Variants in TRAPPC9 observed in about 807,000 individuals in gnomAD.
The protein encoded by TRAPPC9 is IKK2 binding protein.
TRAPPC9 carries 83 observed loss-of-function variants against 124.0 expected under a neutral mutation model. That is an observed-to-expected ratio of 0.67 (90% confidence interval 0.56 to 0.80). The LOEUF is 0.80. Ranked by LOEUF, TRAPPC9 falls within the 30% of genes least tolerant of loss-of-function variation. The pLI, the probability that TRAPPC9 is intolerant of heterozygous loss-of-function variation, is 0.00. For missense variants in TRAPPC9, 1,302 were observed against 1,508.3 expected, an observed-to-expected ratio of 0.86 and a Z score of 2.27; for synonymous variants, 638 against 617.5, an observed-to-expected ratio of 1.03 and a Z score of -0.49.
intron 7 of TRAPPC9, among the ~76,000 whole-genome samples, chr8:140,381,680 A>AAC (rs1410339836): frequency 2.0e-5 from 3 of 151,026 alleles, no homozygotes; most frequent in Non-Finnish European, 3.0e-5. Context: ...AAAAAAAAAA[A>AAC]AAAAAAAAAA....
chr8:140,134,107 A>C (rs2061253085), intron 17 of TRAPPC9, among the ~76,000 whole-genome samples: 1 of 152,238 alleles, frequency 6.6e-6, no homozygotes, highest in Non-Finnish European at 1.5e-5. Context: ...GAAAAAAAGA[A>C]CAAAGTTAGA....
At chr8:140,229,160 A>T (rs1250025288) in intron 16 of TRAPPC9, among the ~76,000 whole-genome samples, 1 of 152,108 alleles carries the variant, frequency 6.6e-6, no homozygotes, top group African/African-American at 2.4e-5. Flanking sequence ...GGAAGGTCAA[A>T]GATGTAGAAA....
At chr8:139,765,858 G>A (rs1820553153) in intron 21 of TRAPPC9, among the ~76,000 whole-genome samples, 1 of 152,186 alleles carries the variant, frequency 6.6e-6, no homozygotes, top group Non-Finnish European at 1.5e-5. Context: ...CCTGGCACAG[G>A]GCACACTTCA....
At chr8:139,992,986 G>GA (rs1837737454) in intron 18 of TRAPPC9, among the ~76,000 whole-genome samples, 1 of 151,780 alleles carries the variant, frequency 6.6e-6, no homozygotes, top group Non-Finnish European at 1.5e-5. Context: ...CATGACCTTG[G>GA]AAAAAAGAAA....
intron 17 of TRAPPC9, among the ~76,000 whole-genome samples, chr8:140,055,573 G>A (rs545926830): frequency 6.6e-6 from 1 of 152,196 alleles, no homozygotes; most frequent in Non-Finnish European, 1.5e-5. Context: ...CAGAAGAGAT[G>A]TAAAATTATT....
chr8:139,731,304 T>C (rs1459689038), intron 22 of TRAPPC9, 76 bp from the exon 23 acceptor site: 7 of 1,556,844 alleles, frequency 4.5e-6, no homozygotes, highest in Non-Finnish European at 6.1e-6. Context: ...ATCCTGGGAA[T>C]CTGCCTGGAC....
At chr8:140,279,942 A>C (rs2065254482) in intron 14 of TRAPPC9, among the ~76,000 whole-genome samples, 1 of 152,166 alleles carries the variant, frequency 6.6e-6, no homozygotes, top group African/African-American at 2.4e-5. Context: ...TCTTCGCCTT[A>C]AGCCACCCCC....
intron 18 of TRAPPC9, among the ~76,000 whole-genome samples, chr8:140,008,046 C>T (rs1394882776): frequency 6.6e-6 from 1 of 152,100 alleles, no homozygotes; most frequent in Non-Finnish European, 1.5e-5. Flanking sequence ...CTGCTCCTGC[C>T]GTGTGAAGGC....
At position 139,907,352 on chromosome 8, in the gene TRAPPC9, GTAAA is replaced by G. The variant is rs2131259846; in HGVS notation, c.2964+2791_2964+2794del. 1.3e-5 allele frequency among the ~76,000 whole-genome samples: 2 copies of G among 152,204 alleles called. No individual in the cohort carries two copies. The highest frequency in any genetic ancestry group is 4.2e-4 in the South Asian group (2 of 4,816). ...GGTATCAAATTAAGCTCAAATGTTT[GTAAA>G]AAGTCTAAATGTTTAGAAAATATTA... On this transcript the variant is annotated intron_variant, in intron 20 of 22. Coordinates refer to ENST00000438773, the MANE Select transcript of TRAPPC9 (RefSeq NM_001160372.4). This position sits in a 1 kb window ranked among gnomAD's most constrained non-coding sequence, Gnocchi z 4.7.
chr8:140,279,496 A>G (rs1197791821), intron 14 of TRAPPC9, among the ~76,000 whole-genome samples: 1 of 152,232 alleles, frequency 6.6e-6, no homozygotes, highest in African/African-American at 2.4e-5. Context: ...AATTTTTTAA[A>G]ATAAGAAATA....
intron 17 of TRAPPC9, among the ~76,000 whole-genome samples, chr8:140,105,636 T>G (rs996744483): frequency 3.3e-5 from 5 of 152,158 alleles, no homozygotes; most frequent in Admixed American, 1.3e-4. Context: ...ACCCACCTGG[T>G]AAACACCTCG....
At chr8:139,956,254 C>G (rs929939019) in intron 19 of TRAPPC9, among the ~76,000 whole-genome samples, 4 of 151,764 alleles carry the variant, frequency 2.6e-5, no homozygotes, top group Middle Eastern at 3.4e-3. Flanking sequence ...CTCTGCCCCC[C>G]GGATTCAAGC....
At chr8:139,844,127 G>C (rs1027259413) in intron 21 of TRAPPC9, among the ~76,000 whole-genome samples, 3 of 151,594 alleles carry the variant, frequency 2.0e-5, no homozygotes, top group Admixed American at 1.3e-4. Context: ...TCACCCGCCA[G>C]AGTCATAGAG....
At position 140,241,948 on chromosome 8, in the gene TRAPPC9, G is replaced by A. The variant is rs905527166; in HGVS notation, c.2431+10829C>T. Among the ~76,000 whole-genome samples the A allele has an allele frequency of 6.6e-6, 1 of 152,160 alleles. No homozygotes were observed. The highest frequency in any genetic ancestry group is 1.5e-5 in the Non-Finnish European group (1 of 68,036). ...CTACGTGGGAGACTCAGGGAAGGAT[G>A]AGCTCGAGCTCTGCCACCACAGGAC... is the stretch of plus-strand genomic sequence containing the variant. On this transcript the variant is annotated intron_variant, in intron 16 of 22. Coordinates refer to ENST00000438773, the MANE Select transcript of TRAPPC9 (RefSeq NM_001160372.4). This position sits in a 1 kb window ranked among gnomAD's most constrained non-coding sequence, Gnocchi z 5.0.
At chr8:140,378,969 T>A (rs977531902) in intron 7 of TRAPPC9, among the ~76,000 whole-genome samples, 5 of 152,194 alleles carry the variant, frequency 3.3e-5, no homozygotes, top group Non-Finnish European at 7.3e-5. Flanking sequence ...TTTTATCTCT[T>A]AATCAGAATT....
chr8:140,287,353 C>T (rs2065516922), intron 13 of TRAPPC9, among the ~76,000 whole-genome samples: 2 of 152,176 alleles, frequency 1.3e-5, no homozygotes, highest in South Asian at 2.1e-4. Context: ...TGGAGGAAGA[C>T]AGCAGAAAGG....
At chr8:140,039,867 T>G (rs1165755429) in intron 17 of TRAPPC9, 1 of 152,362 alleles carries the variant, frequency 6.6e-6, no homozygotes, top group South Asian at 2.1e-4. Flanking sequence ...CATTGCCCTT[T>G]TCATTGATCT....
In TRAPPC9 at chr8:139,984,350, C is replaced by A. The variant is rs1837103471; in HGVS notation, c.2810+4376G>T. On this transcript the variant is annotated intron_variant, in intron 19 of 22. Transcript: ENST00000438773. This position sits in a 1 kb window ranked among gnomAD's most constrained non-coding sequence, Gnocchi z 4.3. ...GTAGCGATGAAGCTGGAGTCTCAGCCCCACTACTGCCCACACCTCCAGGCA... is the reference window on the plus strand; with the variant it reads ...GTAGCGATGAAGCTGGAGTCTCAGCACCACTACTGCCCACACCTCCAGGCA... 6.6e-6 allele frequency among the ~76,000 whole-genome samples: 1 copy of A among 152,178 alleles called. No homozygotes were observed. The highest frequency in any genetic ancestry group is 1.5e-5 in the Non-Finnish European group (1 of 68,034).
At chr8:140,157,175 T>C (rs2061662052) in intron 17 of TRAPPC9, among the ~76,000 whole-genome samples, 1 of 105,142 alleles carries the variant, frequency 9.5e-6, no homozygotes, top group African/African-American at 3.9e-5. Flanking sequence ...CCCTTTTCCA[T>C]TCAAAAGCCT....
Sources: gnomAD v4.1 joint callset for allele counts (sites outside exome capture counted in the v4.1 genomes callset) on GRCh38, gnomAD v4.1.1 for gene constraint, Gnocchi (gnomAD v3.1) non-coding constraint, MANE v1.5 for transcripts, NCBI Gene and HGNC (gene_info 2026-07-23, HGNC 2026-07-21) for gene names.